Variants in USP46 observed in about 807,000 individuals in gnomAD.
USP46 encodes ubiquitin specific peptidase 46, also known as ubiquitin carboxyl-terminal hydrolase 46.
In USP46, 12 loss-of-function variants were observed where a neutral mutation model predicts 44.4. The ratio of observed to expected loss-of-function variants is 0.27; its 90% CI spans 0.17 to 0.44. USP46 has a LOEUF of 0.44. USP46 is among the 20% of genes least tolerant of loss of function. The probability of loss-of-function intolerance (pLI) is 1.00; values close to 1 mark genes in which losing one functional copy is unlikely to be tolerated. For synonymous variants in USP46, 155 were observed against 161.5 expected (o/e 0.96, Z 0.31); for missense variants, 248 against 444.8 (o/e 0.56, Z 3.98).
At chr4:52,656,322 G>A (rs1718944657) in intron 1 of USP46, 9 of 1,545,894 alleles carry the variant, frequency 5.8e-6, no homozygotes, top group Non-Finnish European at 6.1e-6. Context: ...ATTGAGCAAA[G>A]AATCTAAAGA....
intron 4 of USP46, 42 bp from the exon 5 acceptor site, chr4:52,610,659 G>A: frequency 6.3e-7 from 1 of 1,584,364 alleles, no homozygotes. Context: ...CATGAAATAT[G>A]TAGTAGATAA....
chr4:52,629,709 T>A, intron 2 of USP46: 1 of 456,134 alleles, frequency 2.2e-6, no homozygotes, highest in East Asian at 6.9e-5. Context: ...GGAACGAACA[T>A]TTACCGAGTG....
At chr4:52,628,203 G>A (rs768116757) in intron 2 of USP46, 40 bp from the exon 3 acceptor site, 1 of 1,592,924 alleles carries the variant, frequency 6.3e-7, no homozygotes, top group Non-Finnish European at 8.6e-7. Context: ...TCATTGCCTG[G>A]GGATGAGCCA....
At chr4:52,601,597 T>C (rs1224427318) in intron 7 of USP46, among the ~76,000 whole-genome samples, 1 of 152,266 alleles carries the variant, frequency 6.6e-6, no homozygotes, top group Non-Finnish European at 1.5e-5. Context: ...AAATTCTTCA[T>C]AACCATCGTT....
In USP46 at chr4:52,659,064, C is replaced by T; in HGVS notation, c.36+51G>A. ...GTGTGTGCAGCTCGGGCTTCCCTTT[C>T]TTTGCCTCGCCGCGAGTCGGGCGCG... is the stretch of plus-strand genomic sequence containing the variant. On this transcript the variant is annotated intron_variant, in intron 1 of 8. Transcript: ENST00000441222. This position sits in a 1 kb window ranked among gnomAD's most constrained non-coding sequence, Gnocchi z 4.2. 6.5e-7 allele frequency: 1 copy of T among 1,528,000 alleles called. No homozygotes were observed. The highest frequency in any genetic ancestry group is 8.8e-7 in the Non-Finnish European group (1 of 1,138,492). 94.7% of individuals were successfully genotyped at this position (1,528,000 alleles called of 1,614,324 possible).
chr4:52,636,705 CAAAAAAAAAA>C (rs1182691689), intron 1 of USP46, among the ~76,000 whole-genome samples: 96 of 36,174 alleles, frequency 2.7e-3, no homozygotes, highest in African/African-American at 9.1e-3. Context: ...GACTCTGTCT[CAAAAAAAAAA>C]AAAAAAAAAA....
intron 1 of USP46, among the ~76,000 whole-genome samples, chr4:52,653,495 C>CAAAA (rs397880678): frequency 6.0e-4 from 32 of 53,004 alleles, no homozygotes; most frequent in Non-Finnish European, 1.0e-3. Context: ...AACTCTATCT[C>CAAAA]AAAAAAAAAA....
At chr4:52,653,367 T>C (rs918748745) in intron 1 of USP46, among the ~76,000 whole-genome samples, 4 of 151,826 alleles carry the variant, frequency 2.6e-5, no homozygotes, top group African/African-American at 9.7e-5. Context: ...TAGCCAGGCA[T>C]GGTAGCAGGC....
Position 52,596,522 on chromosome 4 carries a change from C to G in USP46, c.*1118G>C, listed in dbSNP as rs1478020695. ...AAACAGCGCCATTTTGTTCATTCCTCCCCCTGCCCACGGACACTTCCTTTG... is the reference window on the plus strand; with the variant it reads ...AAACAGCGCCATTTTGTTCATTCCTGCCCCTGCCCACGGACACTTCCTTTG... On this transcript the variant is annotated 3_prime_UTR_variant, in exon 9 of 9. Transcript: ENST00000441222. 1 of 152,220 alleles carries G rather than the reference C, an allele frequency of 6.6e-6. No individual in the cohort carries two copies. The highest frequency in any genetic ancestry group is 6.5e-5 in the Admixed American group (1 of 15,276). The allele number at this position is 152,220 out of a possible 1,614,324, so 9.4% of individuals were successfully genotyped here. A position where few individuals can be genotyped will look rare whatever the true frequency, so the allele number is the denominator to read the frequency against.
rs10001370 is a variant in USP46, at chr4:52,597,564, G to A, written c.*76C>T. The A allele has an allele frequency of 7.3e-3, 7,414 of 1,019,252 alleles. 96 individuals are homozygous for A. The highest frequency in any genetic ancestry group is 0.047 in the East Asian group (1,791 of 37,968). The allele number at this position is 1,019,252 out of a possible 1,614,324, so 63.1% of individuals were successfully genotyped here. A position where few individuals can be genotyped will look rare whatever the true frequency, so the allele number is the denominator to read the frequency against. On this transcript the variant is annotated 3_prime_UTR_variant, in exon 9 of 9. Coordinates refer to ENST00000441222, the MANE Select transcript of USP46 (RefSeq NM_022832.4). ...ACCATTAGTGGGCCACTGGGGAAGA[G>A]GAAAGCCTGCGGAGAAGCCGGGTGA...
intron 1 of USP46, among the ~76,000 whole-genome samples, chr4:52,657,904 G>C (rs1577705450): frequency 1.3e-5 from 2 of 152,196 alleles, no homozygotes; most frequent in South Asian, 4.1e-4. Flanking sequence ...ATGCTCCTTT[G>C]CCATGTGTTG....
At chr4:52,621,075 CAGATATGCAAAAATAGG>C (rs1464755700) in intron 4 of USP46, among the ~76,000 whole-genome samples, 1 of 152,076 alleles carries the variant, frequency 6.6e-6, no homozygotes, top group East Asian at 1.9e-4. Context: ...CTATATATTT[CAGATATGCAAAAATAGG>C]TCACCAGTTC....
intron 1 of USP46, among the ~76,000 whole-genome samples, chr4:52,646,861 C>G (rs1303751506): frequency 1.3e-5 from 2 of 152,190 alleles, no homozygotes; most frequent in African/African-American, 4.8e-5. Flanking sequence ...TGGCAAAGAT[C>G]AAAAGGTTTC....
At chr4:52,603,891 G>T (rs925021578) in intron 6 of USP46, among the ~76,000 whole-genome samples, 1 of 152,028 alleles carries the variant, frequency 6.6e-6, no homozygotes, top group Non-Finnish European at 1.5e-5. Context: ...CACCATGTTG[G>T]CCAGGCTGGT....
At position 52,591,892 on chromosome 4, in the gene USP46, G is replaced by T. The variant is rs1227040517; in HGVS notation, c.*5748C>A. 6.6e-6 allele frequency: 1 copy of T among 152,196 alleles called. No homozygotes were observed. Among genetic ancestry groups the T allele is most frequent in the Non-Finnish European group, 1.5e-5 (1 of 68,034 alleles). 9.4% of individuals were successfully genotyped at this position (152,196 alleles called of 1,614,324 possible). Reference sequence around the variant, plus strand: ...TAAAGCTCACTGTTGAGGCTTTCATGATACTGGCTCTTTTAACATGAGAAG... The same window carrying T: ...TAAAGCTCACTGTTGAGGCTTTCATTATACTGGCTCTTTTAACATGAGAAG... On this transcript the variant is annotated 3_prime_UTR_variant, in exon 9 of 9. Transcript: ENST00000441222.
At chr4:52,625,659 G>A (rs985815541) in intron 4 of USP46, among the ~76,000 whole-genome samples, 5 of 152,112 alleles carry the variant, frequency 3.3e-5, no homozygotes, top group African/African-American at 1.2e-4. Context: ...CCTCTAAACT[G>A]GGGTGATGGT....
chr4:52,598,981 G>A lies in USP46; in HGVS notation c.921-275C>T, dbSNP rs115218085. On this transcript the variant is annotated intron_variant, in intron 7 of 8. Coordinates refer to ENST00000441222, the MANE Select transcript of USP46 (RefSeq NM_022832.4). ...ATATTAACAAAAAATTACTCTCTAC[G>A]TATTCTGTGCCAGGCCCTATTCTAG... is the stretch of plus-strand genomic sequence containing the variant. 3.1e-3 allele frequency among the ~76,000 whole-genome samples: 477 copies of A among 152,262 alleles called. 7 individuals carry two copies. The highest frequency in any genetic ancestry group is 1.7e-3 in the Non-Finnish European group (115 of 68,028).
chr4:52,639,864 T>G (rs980360274), intron 1 of USP46, among the ~76,000 whole-genome samples: 5 of 146,894 alleles, frequency 3.4e-5, no homozygotes, highest in Admixed American at 2.7e-4. Context: ...GCCTGGGTTT[T>G]TTTTTTTTTT....
chr4:52,612,490 G>A (rs444645), intron 4 of USP46, among the ~76,000 whole-genome samples: 1,595 of 152,312 alleles, frequency 0.01, 33 homozygotes, highest in African/African-American at 0.036. Context: ...ACTTGCCTTG[G>A]CCAGTGGGAT....
Sources: gnomAD v4.1 joint callset for allele counts (sites outside exome capture counted in the v4.1 genomes callset) on GRCh38, gnomAD v4.1.1 for gene constraint, Gnocchi (gnomAD v3.1) non-coding constraint, MANE v1.5 for transcripts, NCBI Gene and HGNC (gene_info 2026-07-23, HGNC 2026-07-21) for gene names.